The following PCDH9 variants were observed in gnomAD, a reference collection of about 807,000 sequenced individuals.
PCDH9 encodes the protein protocadherin 9, also known as protocadherin-9.
PCDH9 carries 24 observed loss-of-function variants against 70.6 expected under a neutral mutation model. That is an observed-to-expected ratio of 0.34 (90% confidence interval 0.25 to 0.48). PCDH9 has a LOEUF of 0.48. Ranked by LOEUF, PCDH9 falls within the 20% of genes least tolerant of loss-of-function variation. PCDH9 has a pLI of 0.99. For synonymous variants in PCDH9, 562 were observed against 558.5 expected (o/e 1.01, Z -0.09); for missense variants, 1,281 against 1,503.6 (o/e 0.85, Z 2.45).
chr13:66,721,677 T>G (rs1280053558), intron 3 of PCDH9, among the ~76,000 whole-genome samples: 1 of 152,216 alleles, frequency 6.6e-6, no homozygotes, highest in East Asian at 1.9e-4. Context: ...AATATACTCT[T>G]GAACTATTAG....
chr13:66,367,168 T>A (rs1026174316), intron 4 of PCDH9, among the ~76,000 whole-genome samples: 1 of 152,152 alleles, frequency 6.6e-6, no homozygotes, highest in African/African-American at 2.4e-5. Context: ...GTATATTATG[T>A]AGGTTATTTA....
intron 2 of PCDH9, among the ~76,000 whole-genome samples, chr13:67,105,145 T>C (rs7328972): frequency 6.6e-6 from 1 of 152,050 alleles, no homozygotes; most frequent in Admixed American, 6.6e-5. Flanking sequence ...CTCCTTTTTA[T>C]AGTTGGATCA....
At chr13:66,357,146 A>G (rs1007753841) in intron 4 of PCDH9, among the ~76,000 whole-genome samples, 20 of 152,186 alleles carry the variant, frequency 1.3e-4, no homozygotes, top group African/African-American at 4.1e-4. Context: ...AAAGGAATTA[A>G]GAGAGAGAAA....
chr13:66,823,277 A>G (rs1373789291), intron 3 of PCDH9, among the ~76,000 whole-genome samples: 2 of 151,998 alleles, frequency 1.3e-5, no homozygotes, highest in Non-Finnish European at 2.9e-5. Flanking sequence ...TTAAAGTGTA[A>G]GAATTGCCTT....
chr13:66,674,933 G>A (rs894415168), intron 3 of PCDH9, among the ~76,000 whole-genome samples: 1 of 151,980 alleles, frequency 6.6e-6, no homozygotes, highest in African/African-American at 2.4e-5. Context: ...TACTTTTCTA[G>A]AAACATATCT....
chr13:66,349,744 C>A (rs1052025749), intron 4 of PCDH9, among the ~76,000 whole-genome samples: 3 of 152,030 alleles, frequency 2.0e-5, no homozygotes, highest in African/African-American at 7.3e-5. Flanking sequence ...GAAAAGGTAG[C>A]AGAAGGAAAA....
At chr13:66,657,286 T>G (rs1182969965) in intron 3 of PCDH9, among the ~76,000 whole-genome samples, 1 of 152,184 alleles carries the variant, frequency 6.6e-6, no homozygotes, top group African/African-American at 2.4e-5. Flanking sequence ...CATGTCTCCC[T>G]GAGTCACCAC....
chr13:66,532,526 C>T (rs190652333), intron 4 of PCDH9, among the ~76,000 whole-genome samples: 2 of 152,108 alleles, frequency 1.3e-5, no homozygotes, highest in East Asian at 3.9e-4. Context: ...TGTCAAAATA[C>T]ATATTTGATT....
intron 3 of PCDH9, among the ~76,000 whole-genome samples, chr13:66,636,630 A>T (rs2077641402): frequency 6.6e-6 from 1 of 152,134 alleles, no homozygotes. Flanking sequence ...TGTATAGAGA[A>T]TTCTTTAAAT....
chr13:66,476,157 C>T (rs1286035050), intron 4 of PCDH9, among the ~76,000 whole-genome samples: 1 of 152,010 alleles, frequency 6.6e-6, no homozygotes, highest in Admixed American at 6.6e-5. Flanking sequence ...ATAACACCCC[C>T]CTATCTTTAT....
intron 4 of PCDH9, among the ~76,000 whole-genome samples, chr13:66,596,818 A>G (rs1224045579): frequency 2.6e-5 from 4 of 151,146 alleles, no homozygotes; most frequent in African/African-American, 4.8e-5. Flanking sequence ...AATACAAAAA[A>G]AAAAACATGG....
chr13:66,814,842 G>T (rs1032194647), intron 3 of PCDH9, among the ~76,000 whole-genome samples: 1 of 152,076 alleles, frequency 6.6e-6, no homozygotes, highest in Admixed American at 6.6e-5. Flanking sequence ...TCTGGACATA[G>T]GACCTGGCAG....
intron 2 of PCDH9, among the ~76,000 whole-genome samples, chr13:67,116,823 G>A (rs2086785766): frequency 6.6e-6 from 1 of 152,048 alleles, no homozygotes. Context: ...TTTCCCCAAA[G>A]CAACAACAAA....
rs562176354 is a variant in PCDH9, at chr13:66,829,717, C to CAAAAAAAAAAAAAA, written c.3138+73773_3138+73786dup. Among the ~76,000 whole-genome samples, 197 of 53,116 alleles carry CAAAAAAAAAAAAAA rather than the reference C, an allele frequency of 3.7e-3. 32 individuals are homozygous for CAAAAAAAAAAAAAA. The highest frequency in any genetic ancestry group is 0.018 in the East Asian group (21 of 1,158). 34.8% of individuals were successfully genotyped at this position (53,116 alleles called of 152,430 possible). Reference sequence around the variant, plus strand: ...TGGGCGACAGAGCGAGACTCCGTCTCAAAAAAAAAAAAAAAAAAAAAAAAA... The same window carrying CAAAAAAAAAAAAAA: ...TGGGCGACAGAGCGAGACTCCGTCTCAAAAAAAAAAAAAAAAAAAAAAAAAAAAAAAAAAAAAAA... On this transcript the variant is annotated intron_variant, in intron 3 of 4. Coordinates refer to ENST00000377865, the MANE Select transcript of PCDH9 (RefSeq NM_203487.3).
chr13:66,304,286 A>AG lies in PCDH9; in HGVS notation c.*368dup, dbSNP rs1955423320. ...AAAAAAAAAAAAAAAAAAAAAAAAA[A>AG]GCACAATTTTCTAACTGGATATGTT... On this transcript the variant is annotated 3_prime_UTR_variant, in exon 5 of 5. Transcript: ENST00000377865. 1 of 158,944 alleles carries AG rather than the reference A, an allele frequency of 6.3e-6. No individual in the cohort carries two copies. The highest frequency in any genetic ancestry group is 1.3e-5 in the Non-Finnish European group (1 of 74,116). 9.8% of individuals were successfully genotyped at this position (158,944 alleles called of 1,614,324 possible).
At chr13:66,784,596 T>A (rs1457482885) in intron 3 of PCDH9, among the ~76,000 whole-genome samples, 1 of 152,200 alleles carries the variant, frequency 6.6e-6, no homozygotes, top group Non-Finnish European at 1.5e-5. Flanking sequence ...TATTCCTTAC[T>A]GACAGAGTGT....
intron 4 of PCDH9, among the ~76,000 whole-genome samples, chr13:66,583,774 TAAG>T (rs2076927018): frequency 1.3e-5 from 2 of 152,178 alleles, no homozygotes; most frequent in African/African-American, 2.4e-5. Flanking sequence ...ATAATTTTTG[TAAG>T]AAGATTTTTT....
At chr13:66,360,972 T>C (rs757137881) in intron 4 of PCDH9, among the ~76,000 whole-genome samples, 4 of 152,114 alleles carry the variant, frequency 2.6e-5, no homozygotes, top group South Asian at 2.1e-4. Flanking sequence ...TTGAGAACAG[T>C]GGGTCACTGA....
intron 3 of PCDH9, among the ~76,000 whole-genome samples, chr13:66,871,829 A>G (rs1159622053): frequency 6.7e-6 from 1 of 148,626 alleles, no homozygotes. Flanking sequence ...TTTCATTACC[A>G]CCCCCCCCTC....
Sources: gnomAD v4.1 joint callset for allele counts (sites outside exome capture counted in the v4.1 genomes callset) on GRCh38, gnomAD v4.1.1 for gene constraint, MANE v1.5 for transcripts, NCBI Gene and HGNC (gene_info 2026-07-23, HGNC 2026-07-21) for gene names.